The following LHFPL3 variants were observed in gnomAD, a reference collection of about 807,000 sequenced individuals.
LHFPL3 encodes LHFPL tetraspan subfamily member 3 protein.
LHFPL3 carries 5 observed loss-of-function variants against 19.3 expected under a neutral mutation model. The ratio of observed to expected loss-of-function variants is 0.26; its 90% CI spans 0.14 to 0.54. LHFPL3 has a LOEUF of 0.54. Among genes scored for constraint, LHFPL3 ranks in the 20% least tolerant of loss-of-function variants. LHFPL3 has a pLI of 0.94. For synonymous variants in LHFPL3, 133 were observed against 126.2 expected (o/e 1.05, Z -0.36); for missense variants, 249 against 307.4 (o/e 0.81, Z 1.42).
chr7:104,867,144 C>T (rs1288799471), intron 2 of LHFPL3, among the ~76,000 whole-genome samples: 1 of 152,112 alleles, frequency 6.6e-6, no homozygotes, highest in African/African-American at 2.4e-5. Flanking sequence ...AAAATTGACA[C>T]CCTAACATCA....
chr7:104,445,810 A>G (rs990300272), intron 1 of LHFPL3, among the ~76,000 whole-genome samples: 11 of 152,184 alleles, frequency 7.2e-5, no homozygotes, highest in African/African-American at 2.7e-4. Context: ...AACTCCATCA[A>G]CTTTTCACAT....
intron 1 of LHFPL3, among the ~76,000 whole-genome samples, chr7:104,615,342 A>C (rs73411791): frequency 0.012 from 1,757 of 152,330 alleles, 38 homozygotes; most frequent in African/African-American, 0.04. Context: ...ATAAAGCATT[A>C]ACAATCGCTC....
At chr7:104,605,314 G>GA (rs1007263990) in intron 1 of LHFPL3, among the ~76,000 whole-genome samples, 3 of 151,410 alleles carry the variant, frequency 2.0e-5, no homozygotes, top group Non-Finnish European at 2.9e-5. Context: ...CTAATGAATA[G>GA]AAAAAAAATG....
At chr7:104,782,161 C>A (rs1189215126) in intron 2 of LHFPL3, among the ~76,000 whole-genome samples, 4 of 152,180 alleles carry the variant, frequency 2.6e-5, no homozygotes. Flanking sequence ...ACATGCCTAG[C>A]ACCTTGGTAG....
At chr7:104,340,496 C>T (rs1365708241) in intron 1 of LHFPL3, among the ~76,000 whole-genome samples, 1 of 152,042 alleles carries the variant, frequency 6.6e-6, no homozygotes, top group African/African-American at 2.4e-5. Flanking sequence ...AAAATGTTAG[C>T]TATGATTACT....
intron 2 of LHFPL3, among the ~76,000 whole-genome samples, chr7:104,819,253 A>G (rs916321009): frequency 3.9e-5 from 6 of 152,150 alleles, no homozygotes; most frequent in African/African-American, 1.4e-4. Flanking sequence ...CCTATTTACA[A>G]TCATCGCAAT....
At chr7:104,356,988 C>A (rs1192553466) in intron 1 of LHFPL3, among the ~76,000 whole-genome samples, 1 of 152,144 alleles carries the variant, frequency 6.6e-6, no homozygotes, top group Non-Finnish European at 1.5e-5. Context: ...GCTTAAAAGG[C>A]AAAAGCCTTC....
At chr7:104,374,741 T>C (rs1297598466) in intron 1 of LHFPL3, among the ~76,000 whole-genome samples, 1 of 152,144 alleles carries the variant, frequency 6.6e-6, no homozygotes, top group Non-Finnish European at 1.5e-5. Flanking sequence ...AAGGGACCAA[T>C]GTTATGTGAA....
chr7:104,676,052 C>T (rs755148950), intron 1 of LHFPL3, among the ~76,000 whole-genome samples: 3 of 152,170 alleles, frequency 2.0e-5, no homozygotes, highest in Non-Finnish European at 4.4e-5. Flanking sequence ...GAGCCTGGGG[C>T]TCTCCAACCT....
intron 1 of LHFPL3, among the ~76,000 whole-genome samples, chr7:104,436,641 A>G (rs1003994608): frequency 6.6e-6 from 1 of 152,248 alleles, no homozygotes; most frequent in African/African-American, 2.4e-5. Context: ...GCTGAAATAT[A>G]TAACTCACAA....
intron 1 of LHFPL3, among the ~76,000 whole-genome samples, chr7:104,589,415 T>C (rs1790656179): frequency 6.6e-6 from 1 of 152,226 alleles, no homozygotes; most frequent in Non-Finnish European, 1.5e-5. Context: ...GGATTACATT[T>C]ATTGATTTGC....
intron 2 of LHFPL3, chr7:104,796,649 G>T (rs1476220180): frequency 1.3e-5 from 2 of 152,568 alleles, no homozygotes; most frequent in Non-Finnish European, 2.9e-5. Context: ...AGTTAATTCA[G>T]CTTATTAGTT....
chr7:104,505,877 G>T (rs1400668216), intron 1 of LHFPL3, among the ~76,000 whole-genome samples: 1 of 152,198 alleles, frequency 6.6e-6, no homozygotes, highest in Non-Finnish European at 1.5e-5. Flanking sequence ...GTATAGATCA[G>T]AAGTTATACA....
At chr7:104,757,215 G>T (rs1794302109) in intron 2 of LHFPL3, among the ~76,000 whole-genome samples, 1 of 152,166 alleles carries the variant, frequency 6.6e-6, no homozygotes, top group Non-Finnish European at 1.5e-5. Context: ...ATGCAAGGTG[G>T]ATTAAAGATT....
chr7:104,642,123 T>C (rs888451188), intron 1 of LHFPL3, among the ~76,000 whole-genome samples: 1 of 148,254 alleles, frequency 6.7e-6, no homozygotes, highest in African/African-American at 2.5e-5. Context: ...CTGCAGCCTC[T>C]GCCTCCCAGG....
At chr7:104,874,488 C>A (rs149372858) in intron 2 of LHFPL3, among the ~76,000 whole-genome samples, 1 of 151,322 alleles carries the variant, frequency 6.6e-6, no homozygotes, top group Non-Finnish European at 1.5e-5. Context: ...TCCGTCTCCA[C>A]GGTTCAAGCA....
chr7:104,391,838 G>C (rs1300390529), intron 1 of LHFPL3, among the ~76,000 whole-genome samples: 3 of 152,120 alleles, frequency 2.0e-5, no homozygotes, highest in African/African-American at 7.2e-5. Context: ...TCTTCCATTT[G>C]TTTGTATCCT....
At chr7:104,502,361 A>G (rs1364783936) in intron 1 of LHFPL3, among the ~76,000 whole-genome samples, 1 of 151,898 alleles carries the variant, frequency 6.6e-6, no homozygotes. Flanking sequence ...CTTCAGTTTA[A>G]GAACTGTGCT....
At chr7:104,480,543 T>A (rs1342332883) in intron 1 of LHFPL3, among the ~76,000 whole-genome samples, 1 of 152,236 alleles carries the variant, frequency 6.6e-6, no homozygotes, top group Non-Finnish European at 1.5e-5. Flanking sequence ...GACATGTAAT[T>A]GTGCAGTCTG....
Sources: gnomAD v4.1 joint callset for allele counts (sites outside exome capture counted in the v4.1 genomes callset) on GRCh38, gnomAD v4.1.1 for gene constraint, MANE v1.5 for transcripts, NCBI Gene and HGNC (gene_info 2026-07-23, HGNC 2026-07-21) for gene names.